Variants in TDRD10 observed in about 807,000 individuals in gnomAD.
TDRD10 encodes the protein tudor domain containing 10, also known as tudor domain-containing protein 10.
A neutral mutation model predicts 48.0 loss-of-function variants in TDRD10; 40 were observed. The ratio of observed to expected loss-of-function variants is 0.83; its 90% CI spans 0.65 to 1.09. The LOEUF (loss-of-function observed/expected upper bound fraction) is 1.09, where lower values mean the gene tolerates loss of function less well. TDRD10 is among the 50% of genes least tolerant of loss of function. The pLI is 0.00. For synonymous variants in TDRD10, 162 were observed against 170.4 expected (o/e 0.95, Z 0.38); for missense variants, 378 against 434.7 (o/e 0.87, Z 1.16).
chr1:154,521,479 G>A lies in TDRD10; in HGVS notation c.369G>A (p.Leu123=), dbSNP rs1207774940. 6.2e-7 allele frequency: 1 copy of A among 1,613,492 alleles called. No homozygotes were observed. Among genetic ancestry groups the A allele is most frequent in the South Asian group, 1.1e-5 (1 of 91,016 alleles). The change falls in exon 6 of 13, where the codon CTG becomes CTA. Residue 123 remains leucine (L), a splice_region_variant and synonymous_variant. Transcript: ENST00000368482. ...TGATCCAGCAGCCTCGGGCCCCGCT[G>A]GTATGTCTTCTGGCCTTTCTGCTCT... ...PDMIQQPRAP[L]VLEKASGEGF...
chr1:154,542,302 A>G (rs1244238019), intron 7 of TDRD10, among the ~76,000 whole-genome samples: 1 of 152,188 alleles, frequency 6.6e-6, no homozygotes, highest in East Asian at 1.9e-4. Context: ...GTCATAGCTC[A>G]CTGCAGCCTC....
intron 11 of TDRD10, 115 bp from the exon 12 acceptor site, chr1:154,547,284 TGCTGGTTGGA>T (rs1695652922): frequency 1.1e-6 from 1 of 895,816 alleles, no homozygotes; most frequent in Non-Finnish European, 1.8e-6. Flanking sequence ...AGCAGAGACT[TGCTGGTTGGA>T]GCTGGTTGGC....
intron 4 of TDRD10, among the ~76,000 whole-genome samples, chr1:154,519,799 T>G (rs1693962292): frequency 6.6e-6 from 1 of 151,092 alleles, no homozygotes; most frequent in South Asian, 2.1e-4. Flanking sequence ...CGGAGCAGGA[T>G]GGGGAGGAGG....
chr1:154,538,890 G>C (rs573524063), intron 6 of TDRD10, among the ~76,000 whole-genome samples: 2 of 144,306 alleles, frequency 1.4e-5, no homozygotes, highest in African/African-American at 5.0e-5. Flanking sequence ...GAGGCAGAAC[G>C]TGGTTGGTTT....
At chr1:154,504,716 G>A (rs1417536751) in intron 1 of TDRD10, among the ~76,000 whole-genome samples, 1 of 152,054 alleles carries the variant, frequency 6.6e-6, no homozygotes, top group African/African-American at 2.4e-5. Context: ...TTTTTAATTG[G>A]TTTATTTGTT....
At chr1:154,511,741 G>A (rs969373447) in intron 4 of TDRD10, among the ~76,000 whole-genome samples, 2 of 151,974 alleles carry the variant, frequency 1.3e-5, no homozygotes, top group Non-Finnish European at 2.9e-5. Flanking sequence ...CCAGCTACTC[G>A]AGAGGCTGAG....
intron 1 of TDRD10, among the ~76,000 whole-genome samples, chr1:154,506,372 GTCTC>G (rs928641549): frequency 7.6e-6 from 1 of 131,788 alleles, no homozygotes; most frequent in Non-Finnish European, 1.6e-5. Context: ...CTGTTGTCAC[GTCTC>G]TCTCTTTTTT....
At chr1:154,529,086 G>GTT (rs550879706) in intron 6 of TDRD10, among the ~76,000 whole-genome samples, 2 of 148,484 alleles carry the variant, frequency 1.3e-5, no homozygotes, top group Non-Finnish European at 1.5e-5. Flanking sequence ...TTATAATGTT[G>GTT]TTTTTTTTTT....
chr1:154,547,644 T>G, intron 12 of TDRD10, 34 bp from the exon 13 acceptor site: 1 of 1,614,218 alleles, frequency 6.2e-7, no homozygotes, highest in South Asian at 1.1e-5. Flanking sequence ...GGGTGGGCCT[T>G]CCTTCCCACC....
chr1:154,543,885 A>G (rs1695393076), intron 8 of TDRD10, 78 bp from the exon 9 acceptor site: 1 of 1,577,198 alleles, frequency 6.3e-7, no homozygotes, highest in Non-Finnish European at 8.6e-7. Context: ...CTCCTGCAGG[A>G]CAGGCGTTGG....
At chr1:154,510,950 G>T (rs978019178) in intron 4 of TDRD10, among the ~76,000 whole-genome samples, 1 of 151,634 alleles carries the variant, frequency 6.6e-6, no homozygotes, top group Non-Finnish European at 1.5e-5. Flanking sequence ...GGAGGCTGAG[G>T]CAGGAGAATG....
At position 154,520,334 on chromosome 1, in the gene TDRD10, A is replaced by G; in HGVS notation, c.172A>G (p.Asn58Asp). 2 of 1,613,962 alleles carry G rather than the reference A, an allele frequency of 1.2e-6. No individual in the cohort carries two copies. Among genetic ancestry groups the G allele is most frequent in the South Asian group, 1.1e-5 (1 of 91,072 alleles). The change falls in exon 5 of 13, where the codon AAC becomes GAC. Residue 58 changes from asparagine to aspartate, a missense_variant. Coordinates refer to ENST00000368482, the MANE Select transcript of TDRD10 (RefSeq NM_182499.4). ...EEILYLLKDF[N>D]PLDVHKIQNG... ...AATTCTGTACCTTCTAAAGGACTTC[A>G]ACCCTCTTGATGTCCACAAAATCCA...
chr1:154,532,984 GGAGA>G (rs908844064), intron 6 of TDRD10, among the ~76,000 whole-genome samples: 1 of 152,150 alleles, frequency 6.6e-6, no homozygotes, highest in Non-Finnish European at 1.5e-5. Context: ...CCCCCAGTAG[GGAGA>G]GAGAGGGGGG....
intron 4 of TDRD10, chr1:154,509,801 T>G (rs1570896529): frequency 1.0e-6 from 1 of 985,384 alleles, no homozygotes; most frequent in Non-Finnish European, 1.2e-6. Flanking sequence ...GGCAGGCTGG[T>G]CCAACCTGTT....
intron 6 of TDRD10, among the ~76,000 whole-genome samples, chr1:154,526,916 T>C (rs1323884890): frequency 6.8e-6 from 1 of 147,556 alleles, no homozygotes; most frequent in Non-Finnish European, 1.5e-5. Context: ...TTTTTATTAT[T>C]AATTATTTTT....
intron 4 of TDRD10, chr1:154,509,718 C>A: frequency 1.7e-6 from 1 of 586,054 alleles, no homozygotes; most frequent in Non-Finnish European, 2.2e-6. Context: ...CATATTCAAT[C>A]AAAGGGGCAG....
intron 4 of TDRD10, among the ~76,000 whole-genome samples, chr1:154,508,930 G>A (rs1262836280): frequency 6.6e-6 from 1 of 152,090 alleles, no homozygotes; most frequent in Non-Finnish European, 1.5e-5. Context: ...GTAAGCAATC[G>A]TATTTTTGAC....
At chr1:154,541,831 T>G in intron 6 of TDRD10, 193 bp from the exon 7 acceptor site, 1 of 536,198 alleles carries the variant, frequency 1.9e-6, no homozygotes, top group Admixed American at 3.4e-5. Context: ...CTGATCGTCT[T>G]TTCTTTGGGT....
Position 154,544,051 on chromosome 1 carries a change from C to T in TDRD10, c.592C>T (p.Leu198=). 5 of 1,614,196 alleles carry T rather than the reference C, an allele frequency of 3.1e-6. No homozygotes were observed. The highest frequency in any genetic ancestry group is 4.2e-6 in the Non-Finnish European group (5 of 1,180,032). ...CCATAGCGTCCGTGGGGAGGCGGGG[C>T]TGCTGGTGACGAGTATCGTCCCGAA... The part of the protein sequence containing the change: ...LIHSVRGEAG[L]LVTSIVPKTP... Residue 198 remains leucine, a synonymous_variant, in exon 9 of 13, where the codon CTG becomes TTG. Coordinates refer to ENST00000368482, the MANE Select transcript of TDRD10 (RefSeq NM_182499.4).
Sources: allele counts gnomAD v4.1 joint callset (sites outside exome capture counted in the v4.1 genomes callset), GRCh38; gene constraint gnomAD v4.1.1; transcripts MANE v1.5; gene names NCBI Gene and HGNC (gene_info 2026-07-23, HGNC 2026-07-21).